LRP2: variants seen among roughly 807,000 people sequenced by gnomAD.
The protein encoded by LRP2 is LDL receptor related protein 2, also known as low-density lipoprotein receptor-related protein 2.
LRP2 carries 172 observed loss-of-function variants against 531.0 expected under a neutral mutation model. The observed-to-expected ratio is 0.32, with a 90% CI of 0.29 to 0.37. The LOEUF (loss-of-function observed/expected upper bound fraction) is 0.37. LRP2 is among the 10% of genes least tolerant of loss of function. LRP2 has a pLI of 1.00. For synonymous variants in LRP2, 1,992 were observed against 2,027.6 expected (o/e 0.98, Z 0.47); for missense variants, 5,167 against 5,868.3 (o/e 0.88, Z 3.90).
intron 31 of LRP2, among the ~76,000 whole-genome samples, 167 bp from the exon 32 acceptor site, chr2:169,226,755 G>T (rs887714764): frequency 6.6e-6 from 1 of 152,138 alleles, no homozygotes; most frequent in Admixed American, 6.5e-5. Flanking sequence ...CTTTCCCAGG[G>T]TTTCAGTGGG....
intron 33 of LRP2, among the ~76,000 whole-genome samples, chr2:169,221,040 T>G (rs928753343): frequency 2.0e-5 from 3 of 152,124 alleles, no homozygotes; most frequent in Non-Finnish European, 2.9e-5. Flanking sequence ...TGAATTCTGT[T>G]CCAAGTCAAC....
At chr2:169,232,677 G>A (rs1251616997) in intron 30 of LRP2, among the ~76,000 whole-genome samples, 2 of 152,098 alleles carry the variant, frequency 1.3e-5, no homozygotes, top group South Asian at 2.1e-4. Flanking sequence ...TAAATAGCAC[G>A]CGAAGCAACT....
rs1220433730 is a variant in LRP2, at chr2:169,257,884, T to C, written c.2514-635A>G. Among the ~76,000 whole-genome samples the C allele has an allele frequency of 4.0e-5, 6 of 151,808 alleles. No homozygotes were observed. In the East Asian group the frequency reaches 9.7e-4, roughly 25 times the overall value. On this transcript the variant is annotated intron_variant, in intron 17 of 78. Coordinates refer to ENST00000649046, the MANE Select transcript of LRP2 (RefSeq NM_004525.3). ...TAAAAAAACAACTTTTTCTCTTTTATGGGATCCAGAGGAATCAAAATTATT... is the reference window on the plus strand; with the variant it reads ...TAAAAAAACAACTTTTTCTCTTTTACGGGATCCAGAGGAATCAAAATTATT...
intron 28 of LRP2, among the ~76,000 whole-genome samples, chr2:169,236,652 C>T (rs1339732248): frequency 1.3e-5 from 2 of 152,160 alleles, no homozygotes; most frequent in African/African-American, 2.4e-5. Flanking sequence ...CCTTCAGGAT[C>T]AGCAGGCAAA....
chr2:169,168,475 G>C (rs536387127), intron 61 of LRP2, 64 bp downstream of exon 61: 86 of 1,591,194 alleles, frequency 5.4e-5, no homozygotes, highest in Non-Finnish European at 7.0e-5. Flanking sequence ...CATGCTACAC[G>C]TAAGAAACAA....
chr2:169,199,210 T>C (rs890396086), intron 44 of LRP2, among the ~76,000 whole-genome samples: 1 of 152,186 alleles, frequency 6.6e-6, no homozygotes, highest in African/African-American at 2.4e-5. Context: ...AAATAAACTA[T>C]GGCATTTCCA....
chr2:169,273,661 C>G (rs1683480013), intron 14 of LRP2, among the ~76,000 whole-genome samples: 1 of 152,170 alleles, frequency 6.6e-6, no homozygotes, highest in Non-Finnish European at 1.5e-5. Context: ...AAAAGCCACT[C>G]TCAAAGTAGT....
rs763958203 is a variant in LRP2 at position 169,128,719 on chromosome 2, T to C, written c.13912A>G (p.Thr4638Ala). The part of the protein sequence containing the change: ...RRDPTPTYSA[T>A]EDTFKDTANL... The stretch of plus-strand genomic sequence containing the variant: ...GCGGTGTCTTTAAAAGTGTCTTCTG[T>C]TGCAGAATAGGTTGGAGTTGGGTCT... The change falls in exon 79 of 79, where the codon ACA becomes GCA. Residue 4638 changes from threonine to alanine, a missense_variant. This residue lies in a region of LRP2 where 348 missense variants were observed against 369.3 expected (regional missense o/e 0.94). Coordinates refer to ENST00000649046, the MANE Select transcript of LRP2 (RefSeq NM_004525.3). 8.7e-6 allele frequency: 14 copies of C among 1,614,164 alleles called. No individual in the cohort carries two copies. Among genetic ancestry groups the C allele is most frequent in the Non-Finnish European group, 1.1e-5 (13 of 1,180,004 alleles).
Position 169,318,775 on chromosome 2 carries a change from T to C in LRP2, c.297A>G (p.Glu99=). ...CCAAACACTTACAGCAATCTTGACG[T>C]TCATCTGAGCCATCATCACAGTCTT... ...QDQDCDDGSD[E]RQDCSQSTCS... is the part of the protein sequence containing the mutation. The change falls in exon 3 of 79, where the codon GAA becomes GAG. Residue 99 remains glutamate (E), a synonymous_variant. Transcript: ENST00000649046. 6.2e-7 allele frequency: 1 copy of C among 1,614,108 alleles called. No homozygotes were observed. The highest frequency in any genetic ancestry group is 8.5e-7 in the Non-Finnish European group (1 of 1,179,984).
At chr2:169,291,634 T>C (rs1009209595) in intron 7 of LRP2, among the ~76,000 whole-genome samples, 19 of 152,024 alleles carry the variant, frequency 1.2e-4, no homozygotes, top group Non-Finnish European at 2.2e-4. Flanking sequence ...CATAAAAGGG[T>C]GAATATCACT....
At position 169,271,696 on chromosome 2, in the gene LRP2, A is replaced by G. The variant is rs908768233; in HGVS notation, c.2117-589T>C. Reference sequence around the variant, plus strand: ...TGTGCCATCAATCTTTTGTTTAAAAATCATACAGAGCTGAACTCTATAGTA... The same window carrying G: ...TGTGCCATCAATCTTTTGTTTAAAAGTCATACAGAGCTGAACTCTATAGTA... On this transcript the variant is annotated intron_variant, in intron 15 of 78. Coordinates refer to ENST00000649046, the MANE Select transcript of LRP2 (RefSeq NM_004525.3). 3 of 983,880 alleles carry G rather than the reference A, an allele frequency of 3.0e-6. No individual in the cohort carries two copies. In the African/African-American group the frequency reaches 5.3e-5, roughly 17 times the overall value. 60.9% of individuals were successfully genotyped at this position (983,880 alleles called of 1,614,324 possible). A position where few individuals can be genotyped will look rare whatever the true frequency, so the allele number is the denominator to read the frequency against.
At chr2:169,245,022 T>A in intron 21 of LRP2, 90 bp from the exon 22 acceptor site, 1 of 1,367,132 alleles carries the variant, frequency 7.3e-7, no homozygotes. Flanking sequence ...TTCACCTTTT[T>A]TAATGGAGGC....
intron 9 of LRP2, 118 bp from the exon 10 acceptor site, chr2:169,283,119 AC>A (rs1559055943): frequency 2.0e-6 from 2 of 986,634 alleles, no homozygotes; most frequent in East Asian, 4.8e-5. Flanking sequence ...CTAAATAAAC[AC>A]CCTCTGGAAT....
At chr2:169,176,098 C>T (rs925425994) in intron 54 of LRP2, among the ~76,000 whole-genome samples, 1 of 152,194 alleles carries the variant, frequency 6.6e-6, no homozygotes, top group Non-Finnish European at 1.5e-5. Flanking sequence ...CTTCTAGGGA[C>T]AATTTTTCAG....
At chr2:169,225,535 C>A (rs1689172443) in intron 32 of LRP2, 82 bp from the exon 33 acceptor site, 1 of 1,490,028 alleles carries the variant, frequency 6.7e-7, no homozygotes, top group Non-Finnish European at 9.3e-7. Flanking sequence ...GTGGCTACTG[C>A]CAGCTGCTGT....
intron 54 of LRP2, among the ~76,000 whole-genome samples, chr2:169,175,855 C>T (rs1340599231): frequency 2.6e-5 from 4 of 152,192 alleles, no homozygotes; most frequent in Non-Finnish European, 5.9e-5. Context: ...TCTACCTCTG[C>T]ATCTTAGATG....
At chr2:169,201,409 G>A (rs536216756) in intron 44 of LRP2, among the ~76,000 whole-genome samples, 167 of 152,304 alleles carry the variant, frequency 1.1e-3, no homozygotes, top group Admixed American at 2.2e-3. Context: ...TGAAGTGCAT[G>A]ACTAGGAGTC....
intron 1 of LRP2, among the ~76,000 whole-genome samples, chr2:169,357,517 A>C (rs1361316607): frequency 1.3e-5 from 2 of 151,504 alleles, no homozygotes; most frequent in African/African-American, 2.4e-5. Flanking sequence ...TTTTAAATAG[A>C]AACAGGGTTT....
chr2:169,329,929 C>T (rs1365258714), intron 1 of LRP2, among the ~76,000 whole-genome samples: 1 of 152,232 alleles, frequency 6.6e-6, no homozygotes, highest in East Asian at 1.9e-4. Context: ...AGTGCCTGAG[C>T]TCCGCCTCCT....
Sources: gnomAD v4.1 joint callset for allele counts (sites outside exome capture counted in the v4.1 genomes callset) on GRCh38, gnomAD v4.1.1 for gene constraint, gnomAD v4.1.1 regional missense constraint, MANE v1.5 for transcripts, NCBI Gene and HGNC (gene_info 2026-07-23, HGNC 2026-07-21) for gene names.